CREB5: variants seen among roughly 807,000 people sequenced by gnomAD.
The protein encoded by CREB5 is cAMP responsive element binding protein 5.
In CREB5, 19 loss-of-function variants were observed where a neutral mutation model predicts 57.1. The observed-to-expected ratio is 0.33, with a 90% CI of 0.23 to 0.49. The LOEUF (loss-of-function observed/expected upper bound fraction) is 0.49, where lower values mean the gene tolerates loss of function less well. Ranked by LOEUF, CREB5 falls within the 20% of genes least tolerant of loss-of-function variation. The pLI is 0.99. For synonymous variants in CREB5, 238 were observed against 238.3 expected, an observed-to-expected ratio of 1.00 and a Z score of 0.01; for missense variants, 579 against 671.6, an observed-to-expected ratio of 0.86 and a Z score of 1.52.
chr7:28,581,286 T>G (rs1311771225), intron 5 of CREB5, among the ~76,000 whole-genome samples: 1 of 152,232 alleles, frequency 6.6e-6, no homozygotes, highest in East Asian at 1.9e-4. Flanking sequence ...TTGAAATAAC[T>G]GTGCCCGAAT....
chr7:28,515,870 TA>T (rs5883145), intron 4 of CREB5, among the ~76,000 whole-genome samples: 81,191 of 141,836 alleles, frequency 0.57, 22,109 homozygotes, highest in Admixed American at 0.62. Context: ...TGAATGCATT[TA>T]AAAAAAAACA....
intron 1 of CREB5, among the ~76,000 whole-genome samples, chr7:28,404,376 C>T (rs960954154): frequency 6.6e-6 from 1 of 152,122 alleles, no homozygotes; most frequent in African/African-American, 2.4e-5. Context: ...CCTCTCAGGG[C>T]TGTCAGCCTC....
chr7:28,341,995 CTCT>C (rs750616140), intron 1 of CREB5, among the ~76,000 whole-genome samples: 208 of 152,270 alleles, frequency 1.4e-3, no homozygotes, highest in Middle Eastern at 3.4e-3. Flanking sequence ...AAATCAGGAG[CTCT>C]TCTTAGTAAA....
At chr7:28,686,305 TCCC>T in intron 5 of CREB5, 2 of 758,450 alleles carry the variant, frequency 2.6e-6, no homozygotes, top group Non-Finnish European at 4.5e-6. Context: ...CTTCATTTTC[TCCC>T]CCTTCTCCCT....
chr7:28,549,760 G>A (rs1365330143), intron 4 of CREB5, among the ~76,000 whole-genome samples: 3 of 152,092 alleles, frequency 2.0e-5, no homozygotes, highest in East Asian at 1.9e-4. Flanking sequence ...TCCTGAGCAT[G>A]AGAAACCTAA....
Position 28,544,066 on chromosome 7 carries a change from CA to C in CREB5, c.292-26298del, listed in dbSNP as rs527570316. ...ATAACTGATGAAATAACTTTCCTTA[CA>C]GGAGGCTCATTTTTTAATGGTTATT... On this transcript the variant is annotated intron_variant, in intron 4 of 10. Transcript: ENST00000357727. Among the ~76,000 whole-genome samples, 9 of 151,890 alleles carry C rather than the reference CA, an allele frequency of 5.9e-5. No individual in the cohort carries two copies. The South Asian group carries it at 1.9e-3, about 32-fold the overall frequency.
chr7:28,768,339 A>G (rs1418347383), intron 7 of CREB5, among the ~76,000 whole-genome samples: 2 of 152,216 alleles, frequency 1.3e-5, no homozygotes, highest in Non-Finnish European at 2.9e-5. Context: ...TCATCTGCTC[A>G]TGAATGTGGA....
At chr7:28,576,256 G>A (rs1336671976) in intron 5 of CREB5, among the ~76,000 whole-genome samples, 1 of 152,216 alleles carries the variant, frequency 6.6e-6, no homozygotes, top group Non-Finnish European at 1.5e-5. Context: ...GAAGAGAAAG[G>A]AAGCTAATAT....
chr7:28,532,545 A>G (rs927253652), intron 4 of CREB5, among the ~76,000 whole-genome samples: 1 of 152,246 alleles, frequency 6.6e-6, no homozygotes. Flanking sequence ...TCAGAGGGAA[A>G]GAGTCCCAGA....
intron 7 of CREB5, among the ~76,000 whole-genome samples, chr7:28,732,895 G>A (rs577413188): frequency 2.0e-5 from 3 of 147,184 alleles, no homozygotes; most frequent in Admixed American, 6.9e-5. Context: ...TTTAAACTAC[G>A]AAGAGTATGT....
rs1431999493 is a variant in CREB5, at chr7:28,459,104, CA to C, written c.4-29070del. ...CTGCTCCCCACACCCATCCAGTGAC[CA>C]TCCACTAACGCCCCAGTGAAAGTGG... On this transcript the variant is annotated intron_variant, in intron 1 of 10. Coordinates refer to ENST00000357727, the MANE Select transcript of CREB5 (RefSeq NM_182898.4). 2.0e-5 allele frequency among the ~76,000 whole-genome samples: 3 copies of C among 152,184 alleles called. No individual in the cohort carries two copies. The East Asian group carries it at 5.8e-4, about 29-fold the overall frequency.
chr7:28,649,937 G>A (rs906566030), intron 5 of CREB5, among the ~76,000 whole-genome samples: 3 of 152,196 alleles, frequency 2.0e-5, no homozygotes, highest in Admixed American at 6.5e-5. Flanking sequence ...GAACAGTAAA[G>A]TGTCACAGAA....
At chr7:28,428,627 G>A (rs560430992) in intron 1 of CREB5, among the ~76,000 whole-genome samples, 1 of 152,294 alleles carries the variant, frequency 6.6e-6, no homozygotes, top group African/African-American at 2.4e-5. Flanking sequence ...TGGGGAAGAC[G>A]GCAGGTAGAA....
At chr7:28,813,417 T>G (rs1483903357) in intron 9 of CREB5, among the ~76,000 whole-genome samples, 1 of 152,196 alleles carries the variant, frequency 6.6e-6, no homozygotes, top group Non-Finnish European at 1.5e-5. Flanking sequence ...AGACACATGG[T>G]CTAAGTTGCT....
chr7:28,578,532 T>C (rs1291012961), intron 5 of CREB5, among the ~76,000 whole-genome samples: 3 of 152,228 alleles, frequency 2.0e-5, no homozygotes, highest in South Asian at 2.1e-4. Flanking sequence ...TTTTTGAAGA[T>C]TGAACACGTC....
intron 5 of CREB5, among the ~76,000 whole-genome samples, chr7:28,633,607 AATG>A (rs1348057920): frequency 6.6e-6 from 1 of 152,154 alleles, no homozygotes; most frequent in Admixed American, 6.6e-5. Flanking sequence ...CCAAGCTGAG[AATG>A]ATGAGTTGTG....
intron 1 of CREB5, among the ~76,000 whole-genome samples, chr7:28,327,401 T>C (rs887103721): frequency 6.6e-6 from 1 of 152,174 alleles, no homozygotes; most frequent in Non-Finnish European, 1.5e-5. Flanking sequence ...TGGGCTGCTC[T>C]AAAGGAAATG....
At chr7:28,804,590 G>C (rs1808595460) in intron 8 of CREB5, 68 bp downstream of exon 8, 1 of 1,547,850 alleles carries the variant, frequency 6.5e-7, no homozygotes, top group Non-Finnish European at 8.8e-7. Context: ...TCTAATGCTG[G>C]GGTCATTTGC....
intron 4 of CREB5, among the ~76,000 whole-genome samples, chr7:28,509,503 T>C (rs1438109862): frequency 2.6e-5 from 4 of 152,236 alleles, no homozygotes; most frequent in Non-Finnish European, 5.9e-5. Flanking sequence ...AGTTTACTGC[T>C]AAACTTTGAA....
Sources: gnomAD v4.1 joint callset for allele counts (sites outside exome capture counted in the v4.1 genomes callset) on GRCh38, gnomAD v4.1.1 for gene constraint, MANE v1.5 for transcripts, NCBI Gene and HGNC (gene_info 2026-07-23, HGNC 2026-07-21) for gene names.